POTEC: variants seen among roughly 807,000 people sequenced by gnomAD.
The protein encoded by POTEC is ANKRD26-like family B member 2.
Under a neutral mutation model 62.0 loss-of-function variants are expected in POTEC, and 35 were observed. That is an observed-to-expected ratio of 0.56 (90% CI 0.43 to 0.75). The LOEUF is 0.75. Among genes scored for constraint, POTEC ranks in the 30% least tolerant of loss-of-function variants. The pLI, the probability that POTEC is intolerant of heterozygous loss-of-function variation, is 0.00. For missense variants in POTEC, 472 were observed against 655.9 expected, an observed-to-expected ratio of 0.72 and a Z score of 3.06; for synonymous variants, 156 against 221.5, an observed-to-expected ratio of 0.70 and a Z score of 2.62.
chr18:14,527,638 C>T (rs2143139910), intron 6 of POTEC, among the ~76,000 whole-genome samples: 1 of 152,076 alleles, frequency 6.6e-6, no homozygotes, highest in South Asian at 2.1e-4. Flanking sequence ...ATTGACTATA[C>T]CTCTCTTCTT....
intron 9 of POTEC, among the ~76,000 whole-genome samples, chr18:14,515,786 A>G (rs1910133739): frequency 6.6e-6 from 1 of 151,696 alleles, no homozygotes; most frequent in African/African-American, 2.4e-5. Flanking sequence ...CTAACAAAGG[A>G]TTAATGTCCA....
rs1236283893 is a variant in POTEC, at chr18:14,508,856, G to C, written c.*3042C>G. ...CAGAGTCTTTTTCTCATCTTTATGG[G>C]CTTATCCATCTTCAATCTTTGAGGT... On this transcript the variant is annotated 3_prime_UTR_variant, in exon 11 of 11. Transcript: ENST00000358970. The C allele has an allele frequency of 1.3e-5, 2 of 152,216 alleles. No homozygotes were observed. The highest frequency in any genetic ancestry group is 2.9e-5 in the Non-Finnish European group (2 of 68,044). 9.4% of individuals were successfully genotyped at this position (152,216 alleles called of 1,614,324 possible).
At chr18:14,526,098 C>T (rs530355181) in intron 6 of POTEC, among the ~76,000 whole-genome samples, 2 of 152,060 alleles carry the variant, frequency 1.3e-5, no homozygotes, top group East Asian at 3.9e-4. Context: ...GATGGGGTTT[C>T]ACCATTGGCC....
Position 14,520,871 on chromosome 18 carries a change from A to C in POTEC, c.1409+1383T>G, listed in dbSNP as rs569885293. ...ACACTTGGGGTCCTAGCCAGTAGAA[A>C]GGCTGAGGTGGCAGGATTACTAGAG... On this transcript the variant is annotated intron_variant, in intron 9 of 10. Coordinates refer to ENST00000358970, the MANE Select transcript of POTEC (RefSeq NM_001137671.2). Among the ~76,000 whole-genome samples the C allele has an allele frequency of 5.3e-5, 8 of 152,232 alleles. No homozygotes were observed. In the South Asian group the frequency reaches 1.0e-3, roughly 20 times the overall value.
chr18:14,514,458 A>C (rs1339485428), intron 9 of POTEC, among the ~76,000 whole-genome samples: 4 of 152,308 alleles, frequency 2.6e-5, no homozygotes, highest in Non-Finnish European at 5.9e-5. Context: ...CCCTGTGTCA[A>C]CCCAAACTTT....
chr18:14,529,642 C>G (rs1905432849), intron 6 of POTEC, among the ~76,000 whole-genome samples: 1 of 152,140 alleles, frequency 6.6e-6, no homozygotes. Flanking sequence ...TAGAAGTGGG[C>G]AATTTGTATA....
chr18:14,531,865 C>A (rs1351665899), intron 5 of POTEC: 1 of 151,832 alleles, frequency 6.6e-6, no homozygotes, highest in Admixed American at 6.6e-5. Flanking sequence ...ACTTACTTAA[C>A]CTACTTGAGA....
chr18:14,530,795 A>G (rs1443774492), intron 5 of POTEC, among the ~76,000 whole-genome samples: 1 of 152,200 alleles, frequency 6.6e-6, no homozygotes, highest in African/African-American at 2.4e-5. Context: ...ATCAGCATGC[A>G]TTAGCATGAC....
Position 14,543,096 on chromosome 18 carries a change from T to A in POTEC, c.51A>T (p.Pro17=), listed in dbSNP as rs758557469. The A allele has an allele frequency of 3.7e-6, 6 of 1,613,834 alleles. No individual in the cohort carries two copies. In the Admixed American group the frequency reaches 8.3e-5, roughly 22 times the overall value. The change falls in exon 1 of 11, where the codon CCA becomes CCT. Residue 17 remains proline, a synonymous_variant. Transcript: ENST00000358970. ...TGCCCATCTTGCTCCTGAGATCGAA[T>A]GGCTTCTTCACAGCAGAGGCAGCGG... is the stretch of plus-strand genomic sequence containing the variant. ...SMPAASAVKK[P]FDLRSKMGKW...
At chr18:14,528,865 C>T (rs1910506974) in intron 6 of POTEC, 4 of 441,842 alleles carry the variant, frequency 9.1e-6, no homozygotes, top group South Asian at 6.5e-5. Flanking sequence ...TCTGGTGTCT[C>T]ACACTTTTGG....
At chr18:14,520,773 A>C (rs1404416722) in intron 9 of POTEC, among the ~76,000 whole-genome samples, 3 of 152,000 alleles carry the variant, frequency 2.0e-5, no homozygotes, top group African/African-American at 7.2e-5. Flanking sequence ...TTTTGTAAGT[A>C]AAGAATCTTG....
chr18:14,514,700 C>A (rs1033205683), intron 9 of POTEC, among the ~76,000 whole-genome samples: 69 of 123,368 alleles, frequency 5.6e-4, no homozygotes, highest in African/African-American at 2.4e-3. Flanking sequence ...CTGGGAAGCC[C>A]TAAGGCAGAG....
chr18:14,516,556 G>A (rs1910165459), intron 9 of POTEC, among the ~76,000 whole-genome samples: 1 of 142,866 alleles, frequency 7.0e-6, no homozygotes, highest in African/African-American at 2.7e-5. Flanking sequence ...AGAACAGCAT[G>A]GAGGAAACCG....
Position 14,509,293 on chromosome 18 carries a change from C to T in POTEC, c.*2605G>A, listed in dbSNP as rs1909932062. ...GTGGGTGGCTGGCCAGTGAAGGTGC[C>T]TTCTCTGATCCCCCCCAAGCAACAG... On this transcript the variant is annotated 3_prime_UTR_variant, in exon 11 of 11. Transcript: ENST00000358970. 1 of 152,222 alleles carries T rather than the reference C, an allele frequency of 6.6e-6. No individual in the cohort carries two copies. The highest frequency in any genetic ancestry group is 2.4e-5 in the African/African-American group (1 of 41,436). The allele number at this position is 152,222 out of a possible 1,614,324, so 9.4% of individuals were successfully genotyped here. A position where few individuals can be genotyped will look rare whatever the true frequency, so the allele number is the denominator to read the frequency against.
rs1393887720 is a variant in POTEC, at chr18:14,507,519, T to C, written c.*4379A>G. The C allele has an allele frequency of 6.6e-6, 1 of 151,834 alleles. No homozygotes were observed. The highest frequency in any genetic ancestry group is 1.5e-5 in the Non-Finnish European group (1 of 68,000). 9.4% of individuals were successfully genotyped at this position (151,834 alleles called of 1,614,324 possible). ...GAAGACGGCATACTCCAATGGGTCT[T>C]GGTTCTTTATCCAGCTTGCCCCCTG... On this transcript the variant is annotated 3_prime_UTR_variant, in exon 11 of 11. Transcript: ENST00000358970.
Position 14,537,900 on chromosome 18 carries a change from C to T in POTEC, c.711G>A (p.Glu237=), listed in dbSNP as rs1905798876. 6.2e-7 allele frequency: 1 copy of T among 1,612,434 alleles called. No individual in the cohort carries two copies. The highest frequency in any genetic ancestry group is 8.5e-7 in the Non-Finnish European group (1 of 1,179,776). Residue 237 remains glutamate (E), a synonymous_variant, in exon 3 of 11, where the codon GAG becomes GAA. Transcript: ENST00000358970. ...EHGADQNIPD[E]YGNTTLHYAV... ...CATAGTGTAGAGTGGTATTTCCATA[C>T]TCATCTGGAATATTTTGATCAGCGC...
At chr18:14,524,430 A>G (rs979724961) in intron 7 of POTEC, among the ~76,000 whole-genome samples, 1 of 152,134 alleles carries the variant, frequency 6.6e-6, no homozygotes, top group Non-Finnish European at 1.5e-5. Context: ...TTCTTCAACC[A>G]TGAATCCAGC....
chr18:14,517,740 T>A (rs58314188), intron 9 of POTEC, among the ~76,000 whole-genome samples: 4,052 of 152,186 alleles, frequency 0.027, 199 homozygotes, highest in African/African-American at 0.093. Context: ...CATGCCCCCG[T>A]AATCCCAGCT....
chr18:14,527,908 G>C (rs1910478941), intron 6 of POTEC: 2 of 152,212 alleles, frequency 1.3e-5, no homozygotes, highest in Non-Finnish European at 2.9e-5. Context: ...GGAAACTATA[G>C]CTGACTACTG....
Sources: allele counts gnomAD v4.1 joint callset (sites outside exome capture counted in the v4.1 genomes callset), GRCh38; gene constraint gnomAD v4.1.1; transcripts MANE v1.5; gene names NCBI Gene and HGNC (gene_info 2026-07-23, HGNC 2026-07-21).